Variants in ARHGEF28 observed in about 807,000 individuals in gnomAD.
The protein encoded by ARHGEF28 is 190 kDa guanine nucleotide exchange factor.
Under a neutral mutation model 206.6 loss-of-function variants are expected in ARHGEF28, and 152 were observed. That is an observed-to-expected ratio of 0.74 (90% CI 0.64 to 0.84). The LOEUF (loss-of-function observed/expected upper bound fraction) is 0.84, where lower values mean the gene tolerates loss of function less well. ARHGEF28 is among the 40% of genes least tolerant of loss of function. The pLI is 0.00. For synonymous variants in ARHGEF28, 763 were observed against 776.4 expected (o/e 0.98, Z 0.29); for missense variants, 2,028 against 2,073.2 (o/e 0.98, Z 0.42).
At position 73,840,337 on chromosome 5, in the gene ARHGEF28, A is replaced by C. The variant is rs1579968903; in HGVS notation, c.1147-143A>C. The C allele has an allele frequency of 4.2e-6, 3 of 722,154 alleles. No individual in the cohort carries two copies. In the South Asian group the frequency reaches 5.8e-5, roughly 14 times the overall value. 44.7% of individuals were successfully genotyped at this position (722,154 alleles called of 1,614,324 possible). On this transcript the variant is annotated intron_variant, in intron 10 of 35. Transcript: ENST00000513042. The stretch of plus-strand genomic sequence containing the variant: ...ACCATGTTGGCCAGGCTAGTCTTGA[A>C]CTCCTGACCTCAAGTGATCTGCCAG...
Position 73,795,360 on chromosome 5 carries a change from T to C in ARHGEF28, c.993T>C (p.Asn331=), listed in dbSNP as rs752068309. The C allele has an allele frequency of 1.2e-6, 2 of 1,613,932 alleles. No individual in the cohort carries two copies. The highest frequency in any genetic ancestry group is 1.7e-6 in the Non-Finnish European group (2 of 1,179,848). ...TCAAAAGCCTGGTGGTTCAACACAA[T>C]GAACATGAAGACCAGCACAGCCTAG... is the stretch of plus-strand genomic sequence containing the variant. The part of the protein sequence containing the change: ...KRVKSLVVQH[N]EHEDQHSLDL... Residue 331 remains asparagine, a synonymous_variant, in exon 9 of 36, where the codon AAT becomes AAC. Coordinates refer to ENST00000513042, the MANE Select transcript of ARHGEF28 (RefSeq NM_001177693.2).
At chr5:73,920,423 T>C (rs534074531) in intron 35 of ARHGEF28, among the ~76,000 whole-genome samples, 1 of 150,326 alleles carries the variant, frequency 6.7e-6, no homozygotes, top group African/African-American at 2.4e-5. Flanking sequence ...TGTTCAGTTC[T>C]AGAGATCATC....
intron 4 of ARHGEF28, among the ~76,000 whole-genome samples, chr5:73,760,429 C>G (rs1171056336): frequency 6.6e-6 from 1 of 151,866 alleles, no homozygotes; most frequent in African/African-American, 2.4e-5. Flanking sequence ...GTATTGCTGT[C>G]TAGCCTTCTG....
chr5:73,840,644 A>G lies in ARHGEF28; in HGVS notation c.1311A>G (p.Ala437=). The G allele has an allele frequency of 6.2e-7, 1 of 1,613,846 alleles. No homozygotes were observed. The change falls in exon 11 of 36, where the codon GCA becomes GCG. Residue 437 remains alanine, a synonymous_variant. Coordinates refer to ENST00000513042, the MANE Select transcript of ARHGEF28 (RefSeq NM_001177693.2). ...YPLSENVEGT[A]HTEAQQSFMS... ...TTAGTGAAAATGTCGAAGGGACAGC[A>G]CACACTGAAGCCCAGCAGTCCTTCA...
intron 2 of ARHGEF28, among the ~76,000 whole-genome samples, chr5:73,708,357 C>A (rs369527553): frequency 6.6e-6 from 1 of 152,146 alleles, no homozygotes. Context: ...CCCTCCCTTT[C>A]TCCCCACCTT....
In ARHGEF28 at chr5:73,872,986, T is replaced by C; in HGVS notation, c.2567-13T>C. 10 of 1,612,944 alleles carry C rather than the reference T, an allele frequency of 6.2e-6. No homozygotes were observed. Among genetic ancestry groups the C allele is most frequent in the Non-Finnish European group, 7.6e-6 (9 of 1,179,216 alleles). ...AAGCTTGTTTAAGGCTTATGTGTGC[T>C]CACACATTTCAGAGCTAATGCAAAC... On this transcript the variant is annotated splice_polypyrimidine_tract_variant and intron_variant, in intron 21 of 35. Coordinates refer to ENST00000513042, the MANE Select transcript of ARHGEF28 (RefSeq NM_001177693.2).
At chr5:73,791,893 G>A (rs2112480815) in intron 7 of ARHGEF28, among the ~76,000 whole-genome samples, 1 of 152,318 alleles carries the variant, frequency 6.6e-6, no homozygotes, top group Admixed American at 6.5e-5. Context: ...AGAATAGGTA[G>A]AGTTACTGAT....
At chr5:73,642,117 G>A (rs1010890872) in intron 1 of ARHGEF28, among the ~76,000 whole-genome samples, 7 of 152,110 alleles carry the variant, frequency 4.6e-5, no homozygotes, top group East Asian at 1.9e-4. Context: ...CTGCTTGTCC[G>A]CCTGTGAAAA....
intron 9 of ARHGEF28, 83 bp downstream of exon 9, chr5:73,795,474 C>A: frequency 8.4e-7 from 1 of 1,189,392 alleles, no homozygotes; most frequent in Non-Finnish European, 1.2e-6. Context: ...TAAATTTTAA[C>A]ATAAAATATT....
intron 9 of ARHGEF28, among the ~76,000 whole-genome samples, chr5:73,817,752 A>G: frequency 6.6e-6 from 1 of 152,214 alleles, no homozygotes; most frequent in East Asian, 1.9e-4. Flanking sequence ...AGCCAGGCCA[A>G]GAACCAGGAC....
intron 4 of ARHGEF28, among the ~76,000 whole-genome samples, chr5:73,753,441 G>C (rs574083958): frequency 3.9e-5 from 6 of 152,194 alleles, no homozygotes; most frequent in African/African-American, 9.7e-5. Context: ...GGGAAAGACT[G>C]TTTCTTTATG....
At chr5:73,694,887 G>A (rs763292337) in intron 2 of ARHGEF28, among the ~76,000 whole-genome samples, 3 of 152,230 alleles carry the variant, frequency 2.0e-5, no homozygotes, top group Non-Finnish European at 2.9e-5. Context: ...CCCTGCTCTC[G>A]CAGAATGCAC....
chr5:73,895,056 G>T lies in ARHGEF28; in HGVS notation c.3841+481G>T, dbSNP rs147591225. Among the ~76,000 whole-genome samples the T allele has an allele frequency of 1.8e-4, 28 of 152,284 alleles. No individual in the cohort carries two copies. The East Asian group carries it at 5.4e-3, about 30-fold the overall frequency. ...GAGCAGTGCAGGCGATGAGTCCAGGGTTCACTAGGTCTCAGGTTGCATGGC... is the reference window on the plus strand; with the variant it reads ...GAGCAGTGCAGGCGATGAGTCCAGGTTTCACTAGGTCTCAGGTTGCATGGC... On this transcript the variant is annotated intron_variant, in intron 29 of 35. Coordinates refer to ENST00000513042, the MANE Select transcript of ARHGEF28 (RefSeq NM_001177693.2).
intron 2 of ARHGEF28, among the ~76,000 whole-genome samples, chr5:73,704,521 T>C (rs1235389776): frequency 2.0e-5 from 3 of 152,144 alleles, no homozygotes; most frequent in Admixed American, 6.5e-5. Context: ...GTCTCCCATG[T>C]TGAAGTGATT....
At chr5:73,781,044 A>T (rs549178896) in intron 7 of ARHGEF28, among the ~76,000 whole-genome samples, 40 of 151,608 alleles carry the variant, frequency 2.6e-4, no homozygotes, top group Admixed American at 5.9e-4. Flanking sequence ...TGTTCTCCTC[A>T]TTCAGCTTGT....
chr5:73,638,298 A>G (rs568759260), intron 1 of ARHGEF28, among the ~76,000 whole-genome samples: 1 of 152,364 alleles, frequency 6.6e-6, no homozygotes, highest in East Asian at 1.9e-4. Flanking sequence ...TATGCTTGCC[A>G]TGACTTTACA....
At chr5:73,787,788 C>T (rs1445098191) in intron 7 of ARHGEF28, among the ~76,000 whole-genome samples, 1 of 152,124 alleles carries the variant, frequency 6.6e-6, no homozygotes, top group East Asian at 1.9e-4. Flanking sequence ...TTTGCCAGTC[C>T]TCTTTCTTCT....
intron 35 of ARHGEF28, chr5:73,923,210 C>T: frequency 6.8e-7 from 1 of 1,477,402 alleles, no homozygotes; most frequent in African/African-American, 1.4e-5. Context: ...GGGTACTCCA[C>T]TCAACTACCT....
At chr5:73,782,313 C>T (rs1272259284) in intron 7 of ARHGEF28, among the ~76,000 whole-genome samples, 1 of 151,904 alleles carries the variant, frequency 6.6e-6, no homozygotes, top group Non-Finnish European at 1.5e-5. Flanking sequence ...GTGGTGTGCA[C>T]CTGTAATGCC....
Sources: gnomAD v4.1 joint callset for allele counts (sites outside exome capture counted in the v4.1 genomes callset) on GRCh38, gnomAD v4.1.1 for gene constraint, MANE v1.5 for transcripts, NCBI Gene and HGNC (gene_info 2026-07-23, HGNC 2026-07-21) for gene names.